CR1L: variants seen among roughly 807,000 people sequenced by gnomAD.
CR1L encodes complement C3b/C4b receptor 1 like.
In CR1L, 59 loss-of-function variants were observed where a neutral mutation model predicts 62.3. The observed-to-expected ratio is 0.95, with a 90% CI of 0.77 to 1.18. CR1L has a LOEUF of 1.18. Ranked by LOEUF, CR1L falls within the 50% of genes most tolerant of loss-of-function variation. CR1L has a pLI of 0.00. For missense variants in CR1L, 700 were observed against 702.8 expected, an observed-to-expected ratio of 1.00 and a Z score of 0.04; for synonymous variants, 279 against 248.7, an observed-to-expected ratio of 1.12 and a Z score of -1.15.
intron 3 of CR1L, among the ~76,000 whole-genome samples, chr1:207,681,353 A>G (rs1212838562): frequency 6.6e-6 from 1 of 152,170 alleles, no homozygotes; most frequent in African/African-American, 2.4e-5. Flanking sequence ...AGGAGATCCA[A>G]AAAGGTAGGG....
chr1:207,707,281 T>C (rs937351117), intron 9 of CR1L, among the ~76,000 whole-genome samples: 1 of 152,152 alleles, frequency 6.6e-6, no homozygotes, highest in Non-Finnish European at 1.5e-5. Flanking sequence ...ATTCATTGCT[T>C]TCTCCTCATC....
chr1:207,665,405 T>A (rs1036134235), intron 1 of CR1L, among the ~76,000 whole-genome samples: 1 of 44,200 alleles, frequency 2.3e-5, no homozygotes, highest in Non-Finnish European at 4.2e-5. Flanking sequence ...GATTAAATTA[T>A]TTTTTTTTCT....
intron 9 of CR1L, among the ~76,000 whole-genome samples, chr1:207,703,944 A>C (rs1431138640): frequency 1.3e-5 from 2 of 151,712 alleles, no homozygotes; most frequent in South Asian, 2.1e-4. Flanking sequence ...ATAGAGGGAG[A>C]CTTCAACTCA....
intron 9 of CR1L, among the ~76,000 whole-genome samples, chr1:207,707,785 TACACACACAC>T (rs10523807): frequency 3.9e-5 from 5 of 126,706 alleles, no homozygotes; most frequent in Admixed American, 7.7e-5. Flanking sequence ...GGCATAGTAT[TACACACACAC>T]ACACACACAC....
In CR1L at chr1:207,697,824, C is replaced by T. The variant is rs574954189; in HGVS notation, c.1093C>T (p.Pro365Ser). ...ACTTCCTAATGGCCATGTGCTATTTCCACTTAATCTCCAGCTTGGAGCAAA... is the reference window on the plus strand; with the variant it reads ...ACTTCCTAATGGCCATGTGCTATTTTCACTTAATCTCCAGCTTGGAGCAAA... ...GQLPNGHVLF[P>S]LNLQLGAKVD... The change falls in exon 7 of 12, where the codon CCA becomes TCA. Residue 365 changes from proline to serine, a missense_variant. Transcript: ENST00000508064. 1.9e-6 allele frequency: 3 copies of T among 1,613,992 alleles called. No homozygotes were observed. The highest frequency in any genetic ancestry group is 2.5e-6 in the Non-Finnish European group (3 of 1,179,884).
chr1:207,713,679 C>T (rs181540000), intron 10 of CR1L, among the ~76,000 whole-genome samples: 7 of 152,352 alleles, frequency 4.6e-5, no homozygotes, highest in South Asian at 2.1e-4. Flanking sequence ...GAGCGGGCTC[C>T]GTGCAAGGCT....
At chr1:207,670,589 A>C (rs1228708122) in intron 1 of CR1L, among the ~76,000 whole-genome samples, 1 of 150,868 alleles carries the variant, frequency 6.6e-6, no homozygotes, top group Non-Finnish European at 1.5e-5. Flanking sequence ...TCTTCCTGAC[A>C]ACTCAGGGTT....
chr1:207,708,122 G>A (rs549574670), intron 9 of CR1L, 56 bp from the exon 10 acceptor site: 14 of 1,580,114 alleles, frequency 8.9e-6, no homozygotes, highest in African/African-American at 1.4e-5. Context: ...TATGCATGCT[G>A]TCAGGAAGTT....
intron 9 of CR1L, among the ~76,000 whole-genome samples, chr1:207,705,240 C>T (rs770426122): frequency 1.3e-5 from 2 of 152,212 alleles, no homozygotes; most frequent in Non-Finnish European, 2.9e-5. Flanking sequence ...TAGGGCCTAC[C>T]TTAATGACCT....
chr1:207,681,225 A>T (rs1204138131), intron 3 of CR1L, among the ~76,000 whole-genome samples: 1 of 151,936 alleles, frequency 6.6e-6, no homozygotes, highest in African/African-American at 2.4e-5. Flanking sequence ...TGGGGAGGAG[A>T]CTCCCAAAAG....
At chr1:207,700,577 G>A (rs1466202854) in intron 8 of CR1L, among the ~76,000 whole-genome samples, 1 of 152,140 alleles carries the variant, frequency 6.6e-6, no homozygotes, top group African/African-American at 2.4e-5. Flanking sequence ...CAAAAGCAAA[G>A]CAATCTGAAT....
At chr1:207,683,386 C>G (rs1292532832) in intron 3 of CR1L, among the ~76,000 whole-genome samples, 2 of 152,110 alleles carry the variant, frequency 1.3e-5, no homozygotes, top group Non-Finnish European at 2.9e-5. Flanking sequence ...GTCCTCCTAC[C>G]TCAGCCTCCA....
rs377607560 is a variant in CR1L, at chr1:207,677,461, T to A, written c.170T>A (p.Ile57Asn). The A allele has an allele frequency of 6.2e-7, 1 of 1,613,952 alleles. No homozygotes were observed. Among genetic ancestry groups the A allele is most frequent in the East Asian group, 2.2e-5 (1 of 44,876 alleles). The change falls in exon 2 of 12, where the codon ATT becomes AAT. Residue 57 changes from isoleucine to asparagine, a missense_variant. Physicochemically the swap from Ile to Asn is moderately radical, Grantham distance 149. Coordinates refer to ENST00000508064, the MANE Select transcript of CR1L (RefSeq NM_175710.2). ...TNLTDDFEFP[I>N]GTYLNYECRP... ...CTAACTGATGACTTTGAGTTTCCCATTGGGACATATCTGAACTATGAATGC... is the reference window on the plus strand; with the variant it reads ...CTAACTGATGACTTTGAGTTTCCCAATGGGACATATCTGAACTATGAATGC...
At chr1:207,717,190 T>TA (rs945374319) in intron 10 of CR1L, among the ~76,000 whole-genome samples, 3 of 151,940 alleles carry the variant, frequency 2.0e-5, no homozygotes, top group Non-Finnish European at 2.9e-5. Context: ...GTAAAAAAAT[T>TA]AAAAAAAATT....
At position 207,683,959 on chromosome 1, in the gene CR1L, T is replaced by G. The variant is rs764364498; in HGVS notation, c.463+2T>G. 6.2e-7 allele frequency: 1 copy of G among 1,610,556 alleles called. No individual in the cohort carries two copies. Among genetic ancestry groups the G allele is most frequent in the African/African-American group, 1.3e-5 (1 of 74,858 alleles). On this transcript the variant is annotated splice_donor_variant, in intron 4 of 11. Coordinates refer to ENST00000508064, the MANE Select transcript of CR1L (RefSeq NM_175710.2). LOFTEE classifies it high-confidence loss of function. The stretch of plus-strand genomic sequence containing the variant: ...ATAATAAAACACCTGTTTGTGACAG[T>G]GAGTTGAAATATGCATTCCTATTTC...
At position 207,657,273 on chromosome 1, in the gene CR1L, A is replaced by G; in HGVS notation, c.97+11943A>G. 2.6e-6 allele frequency: 4 copies of G among 1,533,978 alleles called. No individual in the cohort carries two copies. The South Asian group carries it at 4.5e-5, about 17-fold the overall frequency. On this transcript the variant is annotated intron_variant, in intron 1 of 11. Transcript: ENST00000508064. ...TCACTTATTGGAGAGAGCACGATTT[A>G]TTGTGGTGACAATTCAGTATGGAAT... is the stretch of plus-strand genomic sequence containing the variant.
chr1:207,688,664 T>C (rs1427856777), intron 4 of CR1L, among the ~76,000 whole-genome samples: 1 of 152,168 alleles, frequency 6.6e-6, no homozygotes, highest in African/African-American at 2.4e-5. Context: ...GTACATCAAT[T>C]TGTAGACATT....
intron 1 of CR1L, among the ~76,000 whole-genome samples, chr1:207,659,962 C>A (rs144042571): frequency 6.6e-6 from 1 of 152,342 alleles, no homozygotes; most frequent in African/African-American, 2.4e-5. Context: ...GAGCGTCCGA[C>A]ATTGCTAAGG....
chr1:207,723,554 G>A, intron 11 of CR1L, 64 bp from the exon 12 acceptor site: 3 of 1,323,096 alleles, frequency 2.3e-6, no homozygotes, highest in Non-Finnish European at 3.2e-6. Flanking sequence ...CACTGGCTGA[G>A]AAGTCCTGTT....
Sources: gnomAD v4.1 joint callset for allele counts (sites outside exome capture counted in the v4.1 genomes callset) on GRCh38, gnomAD v4.1.1 for gene constraint, MANE v1.5 for transcripts, NCBI Gene and HGNC (gene_info 2026-07-23, HGNC 2026-07-21) for gene names.